The following RANBP17 variants were observed in gnomAD, a reference collection of about 807,000 sequenced individuals.
The protein encoded by RANBP17 is ran-binding protein 17.
RANBP17 carries 158 observed loss-of-function variants against 141.2 expected under a neutral mutation model. The ratio of observed to expected loss-of-function variants is 1.12; its 90% CI spans 0.98 to 1.28. RANBP17 has a LOEUF of 1.28. Among genes scored for constraint, RANBP17 ranks in the 50% most tolerant of loss-of-function variants. The pLI is 0.00. For missense variants in RANBP17, 1,438 were observed against 1,290.7 expected, an observed-to-expected ratio of 1.11 and a Z score of -1.75; for synonymous variants, 430 against 450.0, an observed-to-expected ratio of 0.96 and a Z score of 0.56.
chr5:170,953,590 A>C lies in RANBP17; in HGVS notation c.1469-7A>C. On this transcript the variant is annotated splice_region_variant and splice_polypyrimidine_tract_variant and intron_variant, in intron 12 of 27. Coordinates refer to ENST00000523189, the MANE Select transcript of RANBP17 (RefSeq NM_022897.5). ...ACTAAACTTTTTTCTTCCTTATTCT[A>C]TATTAGGACGTCTTGCATGGCTGGT... 3.2e-6 allele frequency: 5 copies of C among 1,584,026 alleles called. No homozygotes were observed. The highest frequency in any genetic ancestry group is 4.3e-6 in the Non-Finnish European group (5 of 1,156,634).
rs934874039 is a variant in RANBP17, at chr5:170,918,824, A to C, written c.1066A>C (p.Arg356=). Residue 356 remains arginine, a synonymous_variant, in exon 10 of 28, where the codon AGA becomes CGA. Coordinates refer to ENST00000523189, the MANE Select transcript of RANBP17 (RefSeq NM_022897.5). ...VMVKEYPEVI[R]LIANFTITSL... ...GGTGAAGGAATATCCTGAAGTTATT[A>C]GATTGATTGCTAATTTTACCATTAC... The C allele has an allele frequency of 6.3e-7, 1 of 1,588,168 alleles. No homozygotes were observed. The highest frequency in any genetic ancestry group is 1.4e-5 in the African/African-American group (1 of 73,592).
intron 18 of RANBP17, among the ~76,000 whole-genome samples, chr5:171,184,002 C>T (rs556118548): frequency 1.3e-4 from 20 of 152,220 alleles, no homozygotes; most frequent in Non-Finnish European, 2.8e-4. Context: ...GGGGACAATA[C>T]TTCAGAAAAG....
At chr5:171,142,491 G>T (rs956160603) in intron 14 of RANBP17, among the ~76,000 whole-genome samples, 1 of 152,126 alleles carries the variant, frequency 6.6e-6, no homozygotes, top group Non-Finnish European at 1.5e-5. Flanking sequence ...TTATAGATAA[G>T]ATTTTATACC....
intron 14 of RANBP17, among the ~76,000 whole-genome samples, chr5:170,973,784 G>T (rs1777160805): frequency 6.6e-6 from 1 of 152,178 alleles, no homozygotes; most frequent in Admixed American, 6.5e-5. Context: ...CAGATTTTGT[G>T]TGTGGTAGGA....
intron 1 of RANBP17, among the ~76,000 whole-genome samples, chr5:170,874,085 G>A (rs970197562): frequency 3.3e-5 from 5 of 152,042 alleles, no homozygotes; most frequent in African/African-American, 7.2e-5. Context: ...TGATTTCTGC[G>A]TTAATTTCAT....
chr5:171,101,145 T>A (rs2127743219), intron 14 of RANBP17, among the ~76,000 whole-genome samples: 1 of 152,352 alleles, frequency 6.6e-6, no homozygotes, highest in African/African-American at 2.4e-5. Flanking sequence ...GTTCAAGTCC[T>A]GAATATCCTT....
intron 14 of RANBP17, among the ~76,000 whole-genome samples, chr5:171,147,040 G>A (rs1481517126): frequency 2.6e-5 from 4 of 152,148 alleles, no homozygotes; most frequent in African/African-American, 9.7e-5. Flanking sequence ...GCAGACAGCA[G>A]TTTCCAAAGG....
At chr5:170,874,497 A>G (rs962855313) in intron 1 of RANBP17, among the ~76,000 whole-genome samples, 12 of 152,182 alleles carry the variant, frequency 7.9e-5, no homozygotes, top group Non-Finnish European at 1.3e-4. Context: ...AACTCATTTT[A>G]TGAATCTGGA....
chr5:170,992,091 A>G (rs557392168), intron 14 of RANBP17, among the ~76,000 whole-genome samples: 3 of 152,008 alleles, frequency 2.0e-5, no homozygotes, highest in Non-Finnish European at 2.9e-5. Flanking sequence ...GAAAAAGACA[A>G]AAGTGTGACT....
chr5:170,999,748 T>C (rs1182634278), intron 14 of RANBP17, among the ~76,000 whole-genome samples: 1 of 152,190 alleles, frequency 6.6e-6, no homozygotes, highest in African/African-American at 2.4e-5. Context: ...GTAAGAAATA[T>C]ACAACATAAA....
intron 12 of RANBP17, among the ~76,000 whole-genome samples, chr5:170,936,358 C>T (rs1253554386): frequency 6.6e-6 from 1 of 152,234 alleles, no homozygotes; most frequent in Non-Finnish European, 1.5e-5. Flanking sequence ...TCTTCTGCGT[C>T]AGTCTCTCTG....
chr5:171,206,144 A>G (rs1373984561), intron 20 of RANBP17: 21 of 102,334 alleles, frequency 2.1e-4, no homozygotes, highest in Non-Finnish European at 3.9e-4. Context: ...ACAGACAGGA[A>G]AAAAAAAAAA....
chr5:171,219,933 T>G (rs1763446985), intron 21 of RANBP17, among the ~76,000 whole-genome samples: 1 of 152,064 alleles, frequency 6.6e-6, no homozygotes, highest in South Asian at 2.1e-4. Flanking sequence ...TTTGTGCCCT[T>G]GCTGGAGAGG....
At position 171,288,570 on chromosome 5, in the gene RANBP17, G is replaced by A. The variant is rs376256622; in HGVS notation, c.2944-5313G>A. On this transcript the variant is annotated intron_variant, in intron 25 of 27. Coordinates refer to ENST00000523189, the MANE Select transcript of RANBP17 (RefSeq NM_022897.5). Reference sequence around the variant, plus strand: ...CCCGGTTCAGCTTCACATCCTGGTAGCTGCAGTACCTTGAACAAGTTATTT... The same window carrying A: ...CCCGGTTCAGCTTCACATCCTGGTAACTGCAGTACCTTGAACAAGTTATTT... Among the ~76,000 whole-genome samples, 200 of 152,324 alleles carry A rather than the reference G, an allele frequency of 1.3e-3. 9 individuals carry two copies. The South Asian group carries it at 0.04, about 30-fold the overall frequency.
chr5:171,119,400 T>C (rs1226425575), intron 14 of RANBP17, among the ~76,000 whole-genome samples: 3 of 152,028 alleles, frequency 2.0e-5, no homozygotes, highest in Non-Finnish European at 4.4e-5. Context: ...TTGGGAAAAA[T>C]TTCCTTCACA....
chr5:171,119,949 A>G (rs531753254), intron 14 of RANBP17, among the ~76,000 whole-genome samples: 1 of 148,854 alleles, frequency 6.7e-6, no homozygotes, highest in Non-Finnish European at 1.5e-5. Flanking sequence ...TGAGACGGGA[A>G]TTGCTTGAAC....
intron 16 of RANBP17, among the ~76,000 whole-genome samples, chr5:171,174,214 A>G (rs1025756467): frequency 6.6e-6 from 1 of 152,184 alleles, no homozygotes; most frequent in African/African-American, 2.4e-5. Context: ...ACTGTTTAAC[A>G]TACTCTTTAT....
rs368940223 is a variant in RANBP17 at position 170,908,635 on chromosome 5, C to A, written c.490-1026C>A. On this transcript the variant is annotated intron_variant, in intron 5 of 27. Transcript: ENST00000523189. ...GGCAACAAACACACACATGTACCCC[C>A]ACAAGCTAAAATGAAAGTTGGGAAA... Among the ~76,000 whole-genome samples the A allele has an allele frequency of 5.3e-5, 8 of 150,726 alleles. No homozygotes were observed. In the East Asian group the frequency reaches 1.2e-3, roughly 22 times the overall value.
At position 170,883,080 on chromosome 5, in the gene RANBP17, G is replaced by A. The variant is rs572736422; in HGVS notation, c.256+1184G>A. On this transcript the variant is annotated intron_variant, in intron 3 of 27. Coordinates refer to ENST00000523189, the MANE Select transcript of RANBP17 (RefSeq NM_022897.5). ...TACCTTGTTTTCCTCTATATTGACT[G>A]TTATTTTTATAAGCACTCTGAGTCT... 4.6e-5 allele frequency among the ~76,000 whole-genome samples: 7 copies of A among 152,246 alleles called. No individual in the cohort carries two copies. In the East Asian group the frequency reaches 1.4e-3, roughly 29 times the overall value.
Sources: allele counts gnomAD v4.1 joint callset (sites outside exome capture counted in the v4.1 genomes callset), GRCh38; gene constraint gnomAD v4.1.1; transcripts MANE v1.5; gene names NCBI Gene and HGNC (gene_info 2026-07-23, HGNC 2026-07-21).